Variants in TOGARAM2 observed in about 807,000 individuals in gnomAD.
TOGARAM2 encodes the protein TOG array regulator of axonemal microtubules protein 2.
Under a neutral mutation model 93.3 loss-of-function variants are expected in TOGARAM2, and 85 were observed. The observed-to-expected ratio is 0.91, with a 90% CI of 0.76 to 1.09. The LOEUF is 1.09. Ranked by LOEUF, TOGARAM2 falls within the 50% of genes least tolerant of loss-of-function variation. TOGARAM2 has a pLI of 0.00. For missense variants in TOGARAM2, 1,277 were observed against 1,334.5 expected, an observed-to-expected ratio of 0.96 and a Z score of 0.67; for synonymous variants, 593 against 552.8, an observed-to-expected ratio of 1.07 and a Z score of -1.02.
intron 4 of TOGARAM2, 110 bp downstream of exon 4, chr2:28,999,578 C>T: frequency 7.8e-7 from 1 of 1,277,542 alleles, no homozygotes. Context: ...CTGGGATGCC[C>T]TGGGGGTGAT....
upstream of TOGARAM2, among the ~76,000 whole-genome samples, chr2:28,977,777 T>C (rs904864913): frequency 5.9e-5 from 9 of 152,038 alleles, no homozygotes; most frequent in African/African-American, 1.4e-4. Context: ...TGAGTGGTGC[T>C]GTGATAGGGA....
At chr2:28,964,710 C>T (rs1478869697) in intron 1 of TOGARAM2, among the ~76,000 whole-genome samples, 2 of 151,122 alleles carry the variant, frequency 1.3e-5, no homozygotes, top group Non-Finnish European at 3.0e-5. Context: ...TCATTGTTCA[C>T]CTCCCACTTA....
At position 29,035,576 on chromosome 2, in the gene TOGARAM2, C is replaced by A; in HGVS notation, c.2338C>A (p.Arg780=). Residue 780 remains arginine, a synonymous_variant, in exon 17 of 20, where the codon CGG becomes AGG. Transcript: ENST00000379558. ...ACGGCTGCTGGAGGCCAAGGACTTC[C>A]GGTCCCGGATGGAAGGCGTGGGGCA... ...LTRLLEAKDF[R]SRMEGVGQLL... 2 of 1,591,818 alleles carry A rather than the reference C, an allele frequency of 1.3e-6. No individual in the cohort carries two copies. The highest frequency in any genetic ancestry group is 1.3e-5 in the African/African-American group (1 of 74,664).
chr2:29,008,013 T>G (rs6761060), intron 6 of TOGARAM2, among the ~76,000 whole-genome samples: 1 of 152,008 alleles, frequency 6.6e-6, no homozygotes, highest in Non-Finnish European at 1.5e-5. Flanking sequence ...GGGGAAGTGG[T>G]CTTCTCTGCA....
chr2:29,005,610 T>G (rs1447051614), intron 6 of TOGARAM2, among the ~76,000 whole-genome samples: 3 of 121,806 alleles, frequency 2.5e-5, no homozygotes, highest in African/African-American at 8.9e-5. Flanking sequence ...TGAGCATGCA[T>G]GTGAGTGCAT....
At chr2:28,960,588 C>T (rs1477082029) in intron 1 of TOGARAM2, among the ~76,000 whole-genome samples, 2 of 152,206 alleles carry the variant, frequency 1.3e-5, no homozygotes, top group Non-Finnish European at 2.9e-5. Flanking sequence ...AACAATCACA[C>T]ACCGAGGAGA....
In TOGARAM2 at chr2:29,032,877, A is replaced by C; in HGVS notation, c.2013-57A>C. The C allele has an allele frequency of 7.5e-6, 11 of 1,462,660 alleles. No individual in the cohort carries two copies. In the South Asian group the frequency reaches 1.2e-4, roughly 16 times the overall value. 90.6% of individuals were successfully genotyped at this position (1,462,660 alleles called of 1,614,324 possible). On this transcript the variant is annotated intron_variant, in intron 14 of 19. Transcript: ENST00000379558. Reference sequence around the variant, plus strand: ...GGAAGATTATGTAAAGCTGTAAAGCAAATTTATTTTGCATTTCAGAGGCTG... The same window carrying C: ...GGAAGATTATGTAAAGCTGTAAAGCCAATTTATTTTGCATTTCAGAGGCTG...
upstream of TOGARAM2, among the ~76,000 whole-genome samples, chr2:28,978,222 T>C (rs1346675566): frequency 6.6e-6 from 1 of 151,440 alleles, no homozygotes; most frequent in Non-Finnish European, 1.5e-5. Context: ...TGGGTATAAG[T>C]AAGGGGTAGG....
At chr2:28,999,722 A>G (rs1673187862) in intron 4 of TOGARAM2, among the ~76,000 whole-genome samples, 1 of 152,142 alleles carries the variant, frequency 6.6e-6, no homozygotes, top group Non-Finnish European at 1.5e-5. Context: ...CTTGCTCCAG[A>G]AGGATCCTTT....
chr2:28,999,636 T>C (rs1673182578), intron 4 of TOGARAM2, among the ~76,000 whole-genome samples, 168 bp downstream of exon 4: 1 of 152,150 alleles, frequency 6.6e-6, no homozygotes, highest in African/African-American at 2.4e-5. Flanking sequence ...GCGACCTCCT[T>C]GGAGCTGAGC....
rs144216244 is a variant in TOGARAM2, at chr2:29,019,948, A to C, written c.1360+1992A>C. Among the ~76,000 whole-genome samples the C allele has an allele frequency of 1.2e-4, 18 of 152,348 alleles. No individual in the cohort carries two copies. In the East Asian group the frequency reaches 3.5e-3, roughly 29 times the overall value. The stretch of plus-strand genomic sequence containing the variant: ...GGAGTCACAAAGAAAACGAGCACTC[A>C]AATAAAGGATTTCTCAGCGAGGCAA... On this transcript the variant is annotated intron_variant, in intron 10 of 19. Coordinates refer to ENST00000379558, the MANE Select transcript of TOGARAM2 (RefSeq NM_199280.4).
At chr2:28,995,639 T>C (rs975302403) in intron 2 of TOGARAM2, among the ~76,000 whole-genome samples, 1 of 152,246 alleles carries the variant, frequency 6.6e-6, no homozygotes, top group African/African-American at 2.4e-5. Flanking sequence ...AAGAAAAATC[T>C]ACAAATCTAG....
intron 19 of TOGARAM2, chr2:29,050,006 A>C (rs1372697341): frequency 1.3e-5 from 2 of 152,118 alleles, no homozygotes; most frequent in African/African-American, 4.8e-5. Context: ...CTCTAAGGGG[A>C]AGGTATCCTA....
chr2:29,046,151 T>G (rs1012508776), intron 19 of TOGARAM2: 1 of 152,402 alleles, frequency 6.6e-6, no homozygotes, highest in African/African-American at 2.4e-5. Context: ...CTGAGTCTAC[T>G]CAGCCTTGCT....
At position 29,000,673 on chromosome 2, in the gene TOGARAM2, G is replaced by A. The variant is rs540967891; in HGVS notation, c.427+1205G>A. Among the ~76,000 whole-genome samples the A allele has an allele frequency of 6.6e-5, 10 of 152,234 alleles. No individual in the cohort carries two copies. In the East Asian group the frequency reaches 1.7e-3, roughly 27 times the overall value. On this transcript the variant is annotated intron_variant, in intron 4 of 19. Transcript: ENST00000379558. ...CACGTGGTTGCTGCCGTCAAGCCTG[G>A]GGTTGTGGTTGGCTGTTCTTCCCCT...
intron 18 of TOGARAM2, among the ~76,000 whole-genome samples, chr2:29,043,406 C>T (rs1666552210): frequency 6.6e-6 from 1 of 152,142 alleles, no homozygotes; most frequent in Non-Finnish European, 1.5e-5. Flanking sequence ...TGCCCCTCTC[C>T]AGGAATGCAG....
intron 4 of TOGARAM2, among the ~76,000 whole-genome samples, chr2:29,000,111 T>C (rs562333230): frequency 1.1e-4 from 17 of 152,238 alleles, no homozygotes; most frequent in Non-Finnish European, 2.2e-4. Flanking sequence ...GTTCTTTTCA[T>C]GGTTTGCATT....
chr2:29,018,121 G>T, intron 10 of TOGARAM2, 165 bp downstream of exon 10: 1 of 740,158 alleles, frequency 1.4e-6, no homozygotes, highest in South Asian at 1.9e-5. Context: ...GAGAGAAACA[G>T]TGTCAGGGAC....
intron 1 of TOGARAM2, among the ~76,000 whole-genome samples, chr2:28,961,195 C>T (rs967997564): frequency 1.6e-4 from 25 of 152,008 alleles, no homozygotes; most frequent in East Asian, 1.2e-3. Context: ...CTAGAAGCTC[C>T]GAGACTGATA....
Sources: allele counts gnomAD v4.1 joint callset (sites outside exome capture counted in the v4.1 genomes callset), GRCh38; gene constraint gnomAD v4.1.1; transcripts MANE v1.5; gene names NCBI Gene and HGNC (gene_info 2026-07-23, HGNC 2026-07-21).